Variants in PICALM observed in about 807,000 individuals in gnomAD.
PICALM encodes the protein phosphatidylinositol binding clathrin assembly protein, also known as phosphatidylinositol-binding clathrin assembly protein.
A neutral mutation model predicts 80.5 loss-of-function variants in PICALM; 40 were observed. The observed-to-expected ratio is 0.50, with a 90% confidence interval of 0.39 to 0.65. The LOEUF (loss-of-function observed/expected upper bound fraction) is 0.65, where lower values mean the gene tolerates loss of function less well. PICALM is among the 30% of genes least tolerant of loss of function. PICALM has a pLI of 0.00. For synonymous variants in PICALM, 288 were observed against 260.3 expected (o/e 1.11, Z -1.02); for missense variants, 676 against 778.9 (o/e 0.87, Z 1.57).
At chr11:86,054,829 GT>G (rs1461446193) in intron 1 of PICALM, among the ~76,000 whole-genome samples, 1 of 151,954 alleles carries the variant, frequency 6.6e-6, no homozygotes, top group African/African-American at 2.4e-5. Flanking sequence ...AGGCTGTGGG[GT>G]TTCTCCATGT....
At chr11:86,051,412 G>C (rs1410444896) in intron 1 of PICALM, among the ~76,000 whole-genome samples, 3 of 152,176 alleles carry the variant, frequency 2.0e-5, no homozygotes, top group Non-Finnish European at 4.4e-5. Context: ...TGTAATCCCA[G>C]CACTTTGGGA....
chr11:85,975,467 T>C (rs2094248023), intron 18 of PICALM, among the ~76,000 whole-genome samples: 1 of 152,124 alleles, frequency 6.6e-6, no homozygotes, highest in African/African-American at 2.4e-5. Flanking sequence ...AACAGAATAC[T>C]GTTTTGGTTA....
At chr11:86,025,476 TA>T (rs1416743771) in intron 3 of PICALM, among the ~76,000 whole-genome samples, 1 of 152,222 alleles carries the variant, frequency 6.6e-6, no homozygotes, top group African/African-American at 2.4e-5. Flanking sequence ...CTTTAGCTAC[TA>T]AAACATGTAA....
chr11:85,976,689 T>G lies in PICALM; in HGVS notation c.1780-7A>C. On this transcript the variant is annotated splice_region_variant and splice_polypyrimidine_tract_variant and intron_variant, in intron 17 of 19. Coordinates refer to ENST00000393346, the MANE Select transcript of PICALM (RefSeq NM_007166.4). ...AGGCCATTACAGGGGGTGCCTAACATAGTGAAAGGAAAAATGAACAAGAAA... is the reference window on the plus strand; with the variant it reads ...AGGCCATTACAGGGGGTGCCTAACAGAGTGAAAGGAAAAATGAACAAGAAA... The G allele has an allele frequency of 6.4e-7, 1 of 1,556,566 alleles. No individual in the cohort carries two copies. Among genetic ancestry groups the G allele is most frequent in the Middle Eastern group, 1.7e-4 (1 of 5,950 alleles).
At chr11:86,059,591 T>A (rs2096324571) in intron 1 of PICALM, among the ~76,000 whole-genome samples, 1 of 152,126 alleles carries the variant, frequency 6.6e-6, no homozygotes, top group Non-Finnish European at 1.5e-5. Context: ...GAGACCAGCC[T>A]AGGAAAGAGA....
At chr11:86,035,802 G>T (rs2095831730) in intron 1 of PICALM, among the ~76,000 whole-genome samples, 1 of 151,322 alleles carries the variant, frequency 6.6e-6, no homozygotes, top group Non-Finnish European at 1.5e-5. Flanking sequence ...ACAAAAATTA[G>T]CCGGGCATGG....
chr11:85,999,691 C>A (rs769848694), intron 11 of PICALM, among the ~76,000 whole-genome samples: 12 of 152,196 alleles, frequency 7.9e-5, no homozygotes, highest in Non-Finnish European at 1.3e-4. Flanking sequence ...AGCTATTAGG[C>A]TCAGCTATTA....
intron 13 of PICALM, among the ~76,000 whole-genome samples, chr11:85,987,987 C>T (rs1289492908): frequency 1.3e-5 from 2 of 152,218 alleles, no homozygotes; most frequent in Non-Finnish European, 1.5e-5. Context: ...CAAGCATATA[C>T]CATCAAATGC....
chr11:86,007,690 C>G (rs911546175), intron 7 of PICALM, 107 bp from the exon 8 acceptor site: 9 of 364,860 alleles, frequency 2.5e-5, no homozygotes, highest in African/African-American at 2.0e-4. Context: ...AAACAGACTT[C>G]TTAAGAATCA....
intron 7 of PICALM, among the ~76,000 whole-genome samples, chr11:86,010,630 C>T (rs774847098): frequency 7.2e-5 from 11 of 152,068 alleles, no homozygotes; most frequent in Non-Finnish European, 1.3e-4. Flanking sequence ...CCAACGAAAA[C>T]ATTTTGAACT....
intron 1 of PICALM, among the ~76,000 whole-genome samples, chr11:86,050,160 G>A (rs866747180): frequency 2.8e-5 from 4 of 141,990 alleles, no homozygotes; most frequent in Admixed American, 7.3e-5. Context: ...AGCAGAGATC[G>A]CGCCACTGCA....
At chr11:86,004,547 C>T (rs2095236097) in intron 8 of PICALM, among the ~76,000 whole-genome samples, 1 of 151,546 alleles carries the variant, frequency 6.6e-6, no homozygotes, top group Non-Finnish European at 1.5e-5. Context: ...ATTTTAAACT[C>T]AGGCTATAGG....
At chr11:85,981,299 A>T (rs2508688) in intron 16 of PICALM, 71 bp from the exon 17 acceptor site, 6 of 907,746 alleles carry the variant, frequency 6.6e-6, no homozygotes, top group Admixed American at 1.9e-5. Context: ...ATACTTATAT[A>T]GAACAGAGTA....
intron 1 of PICALM, among the ~76,000 whole-genome samples, chr11:86,063,344 CCA>C (rs2096397715): frequency 6.9e-6 from 1 of 145,564 alleles, no homozygotes; most frequent in South Asian, 2.2e-4. Context: ...TAAAAATTAT[CCA>C]GATATATAAA....
chr11:86,017,364 C>A (rs2095497445), intron 4 of PICALM, among the ~76,000 whole-genome samples: 2 of 151,964 alleles, frequency 1.3e-5, no homozygotes, highest in Admixed American at 1.3e-4. Flanking sequence ...ACTGAGCTTG[C>A]TTGAAAGATA....
chr11:86,010,504 T>G (rs1271037852), intron 7 of PICALM, among the ~76,000 whole-genome samples: 1 of 152,108 alleles, frequency 6.6e-6, no homozygotes, highest in Admixed American at 6.6e-5. Flanking sequence ...TTTTTGTATC[T>G]TTAGTATAGA....
chr11:86,018,777 T>C (rs935469003), intron 4 of PICALM, among the ~76,000 whole-genome samples: 13 of 151,832 alleles, frequency 8.6e-5, no homozygotes, highest in South Asian at 8.3e-4. Context: ...TAGTCCCAAC[T>C]ACTTGGGAGG....
intron 7 of PICALM, among the ~76,000 whole-genome samples, chr11:86,008,519 C>T (rs553585290): frequency 6.6e-6 from 1 of 151,910 alleles, no homozygotes; most frequent in Non-Finnish European, 1.5e-5. Flanking sequence ...ACTCAGCAGG[C>T]TGAAGCAGGA....
chr11:85,994,563 T>C (rs1024882399), intron 12 of PICALM, among the ~76,000 whole-genome samples: 1 of 152,194 alleles, frequency 6.6e-6, no homozygotes, highest in Admixed American at 6.5e-5. Flanking sequence ...AGTACAAGAT[T>C]TGGGGATTAT....
Sources: allele counts gnomAD v4.1 joint callset (sites outside exome capture counted in the v4.1 genomes callset), GRCh38; gene constraint gnomAD v4.1.1; transcripts MANE v1.5; gene names NCBI Gene and HGNC (gene_info 2026-07-23, HGNC 2026-07-21).